Variants in CAPN7 observed in about 807,000 individuals in gnomAD.
CAPN7 encodes the protein calpain 7.
Under a neutral mutation model 115.2 loss-of-function variants are expected in CAPN7, and 72 were observed. The ratio of observed to expected loss-of-function variants is 0.63; its 90% confidence interval spans 0.52 to 0.76. The LOEUF (loss-of-function observed/expected upper bound fraction) is 0.76, where lower values mean the gene tolerates loss of function less well. CAPN7 is among the 30% of genes least tolerant of loss of function. The pLI is 0.00. For missense variants in CAPN7, 905 were observed against 971.5 expected, an observed-to-expected ratio of 0.93 and a Z score of 0.91; for synonymous variants, 344 against 322.3, an observed-to-expected ratio of 1.07 and a Z score of -0.72.
At chr3:15,213,491 A>G (rs141007312) in intron 2 of CAPN7, among the ~76,000 whole-genome samples, 6 of 152,352 alleles carry the variant, frequency 3.9e-5, no homozygotes, top group African/African-American at 1.2e-4. Flanking sequence ...ATGTTAAAGC[A>G]GAATGCTCTA....
chr3:15,220,875 C>G lies in CAPN7; in HGVS notation c.532C>G (p.Pro178Ala), dbSNP rs750254715. ...PKPPPVRAHF[P>A]LGANPFLERP... The stretch of plus-strand genomic sequence containing the variant: ...GCCACCTCCAGTGAGAGCACATTTT[C>G]CACTGGGCGCTAATCCCTTCCTTGA... The change falls in exon 5 of 21, where the codon CCA becomes GCA. Residue 178 changes from proline (P) to alanine (A), a missense_variant. Around this residue, in one of 3 missense-constraint regions of CAPN7, gnomAD observed 271 missense variants for 239.6 expected, o/e 1.13. Transcript: ENST00000253693. The G allele has an allele frequency of 3.7e-6, 6 of 1,614,128 alleles. No individual in the cohort carries two copies. In the South Asian group the frequency reaches 5.5e-5, roughly 15 times the overall value.
In CAPN7 at chr3:15,206,276, C is replaced by G; in HGVS notation, c.-220C>G. On this transcript the variant is annotated 5_prime_UTR_variant, in exon 1 of 21. Transcript: ENST00000253693. Reference sequence around the variant, plus strand: ...CCGCTGGGGCCGCGAAGTGGGGCGGCCGGGTGGGCTACAAGCCGGGTCTGG... The same window carrying G: ...CCGCTGGGGCCGCGAAGTGGGGCGGGCGGGTGGGCTACAAGCCGGGTCTGG... The G allele has an allele frequency of 2.4e-6, 1 of 425,178 alleles. No homozygotes were observed. The highest frequency in any genetic ancestry group is 4.2e-6 in the Non-Finnish European group (1 of 238,314). The allele number at this position is 425,178 out of a possible 1,614,324, so 26.3% of individuals were successfully genotyped here.
rs745904353 is a variant in CAPN7, at chr3:15,206,603, G to A, written c.102+6G>A. 53 of 1,540,068 alleles carry A rather than the reference G, an allele frequency of 3.4e-5. No individual in the cohort carries two copies. The highest frequency in any genetic ancestry group is 4.5e-5 in the Non-Finnish European group (51 of 1,141,352). ...AGGCGGTGTTTTATTACAAGGTAGG[G>A]CCGGGCCCGGCGCTTCGGTCGGAGT... On this transcript the variant is annotated splice_donor_region_variant and intron_variant, in intron 1 of 20. Coordinates refer to ENST00000253693, the MANE Select transcript of CAPN7 (RefSeq NM_014296.3).
rs73140124 is a variant in CAPN7 at position 15,229,711 on chromosome 3, G to A, written c.938+652G>A. ...CTGCCTCAGCCTCTGAAGTAGCTGG[G>A]ATTACAGGCAGTTTTACCTTTTTAA... On this transcript the variant is annotated intron_variant, in intron 8 of 20. Transcript: ENST00000253693. Among the ~76,000 whole-genome samples, 617 of 151,582 alleles carry A rather than the reference G, an allele frequency of 4.1e-3. 8 individuals carry two copies. The highest frequency in any genetic ancestry group is 0.014 in the African/African-American group (571 of 41,358).
chr3:15,220,165 G>GC (rs1299117387), intron 4 of CAPN7, among the ~76,000 whole-genome samples: 1 of 151,780 alleles, frequency 6.6e-6, no homozygotes, highest in Non-Finnish European at 1.5e-5. Flanking sequence ...GCGCCACTAC[G>GC]CTCTAGCTTG....
At chr3:15,225,578 T>G (rs756972689) in intron 6 of CAPN7, among the ~76,000 whole-genome samples, 1 of 152,226 alleles carries the variant, frequency 6.6e-6, no homozygotes, top group Non-Finnish European at 1.5e-5. Flanking sequence ...GTAAAATACG[T>G]AGCCATGCAG....
chr3:15,224,037 T>C (rs1478182322), intron 6 of CAPN7, among the ~76,000 whole-genome samples: 2 of 152,232 alleles, frequency 1.3e-5, no homozygotes, highest in Non-Finnish European at 2.9e-5. Context: ...GAGTCCGAGC[T>C]TGTAGTCATC....
rs752563827 is a variant in CAPN7, at chr3:15,234,933, C to T, written c.1287-92C>T. ...TTCAGGGGTAGGAACAGCCCATTTT[C>T]ATGTAAGCCATTAGACTAAAAGATA... On this transcript the variant is annotated intron_variant, in intron 11 of 20. Transcript: ENST00000253693. 2.6e-6 allele frequency: 3 copies of T among 1,141,002 alleles called. No individual in the cohort carries two copies. The African/African-American group carries it at 4.7e-5, about 18-fold the overall frequency. The allele number at this position is 1,141,002 out of a possible 1,614,324, so 70.7% of individuals were successfully genotyped here. A position where few individuals can be genotyped will look rare whatever the true frequency, so the allele number is the denominator to read the frequency against.
intron 16 of CAPN7, among the ~76,000 whole-genome samples, chr3:15,244,502 A>T (rs1695542976): frequency 6.6e-6 from 1 of 152,214 alleles, no homozygotes; most frequent in South Asian, 2.1e-4. Flanking sequence ...AGATCCACAG[A>T]TATGCCAATT....
Position 15,232,679 on chromosome 3 carries a change from A to G in CAPN7, c.1179+14A>G. The G allele has an allele frequency of 6.3e-7, 1 of 1,586,802 alleles. No individual in the cohort carries two copies. Among genetic ancestry groups the G allele is most frequent in the Non-Finnish European group, 8.5e-7 (1 of 1,170,172 alleles). The stretch of plus-strand genomic sequence containing the variant: ...GGATCCAACTCCGTAAGTAATAGAT[A>G]AGACGATCCAGACACAGATTTAAGC... On this transcript the variant is annotated intron_variant, in intron 10 of 20. Coordinates refer to ENST00000253693, the MANE Select transcript of CAPN7 (RefSeq NM_014296.3).
rs199694914 is a variant in CAPN7 at position 15,240,622 on chromosome 3, A to T, written c.1552+5A>T. 6.3e-7 allele frequency: 1 copy of T among 1,584,598 alleles called. No individual in the cohort carries two copies. The highest frequency in any genetic ancestry group is 1.9e-5 in the Admixed American group (1 of 51,308). The stretch of plus-strand genomic sequence containing the variant: ...CAGCTCAGAAAATAGACAACGGTAA[A>T]TATATCTTTTTAATTTTAATACCAT... On this transcript the variant is annotated splice_donor_5th_base_variant and intron_variant, in intron 13 of 20. Transcript: ENST00000253693.
intron 6 of CAPN7, among the ~76,000 whole-genome samples, 170 bp from the exon 7 acceptor site, chr3:15,227,669 A>G (rs1179187601): frequency 6.6e-6 from 1 of 152,068 alleles, no homozygotes; most frequent in Non-Finnish European, 1.5e-5. Context: ...GGGGATGATC[A>G]GGTTGACTGG....
chr3:15,211,196 G>T (rs1204379688), intron 1 of CAPN7, among the ~76,000 whole-genome samples: 2 of 152,104 alleles, frequency 1.3e-5, no homozygotes, highest in African/African-American at 2.4e-5. Context: ...TATTTAACCT[G>T]TGTAATCTCC....
intron 1 of CAPN7, among the ~76,000 whole-genome samples, chr3:15,208,230 A>G (rs2044741398): frequency 6.7e-6 from 1 of 149,790 alleles, no homozygotes; most frequent in African/African-American, 2.5e-5. Context: ...TTTTTTACAA[A>G]CTGGTTTATA....
In CAPN7 at chr3:15,211,423, G is replaced by A. The variant is rs576379346; in HGVS notation, c.103-681G>A. Among the ~76,000 whole-genome samples, 53 of 152,254 alleles carry A rather than the reference G, an allele frequency of 3.5e-4. No individual in the cohort carries two copies. The South Asian group carries it at 0.01, about 29-fold the overall frequency. On this transcript the variant is annotated intron_variant, in intron 1 of 20. Coordinates refer to ENST00000253693, the MANE Select transcript of CAPN7 (RefSeq NM_014296.3). ...AGTGTTTATAATCAGTTCCTTATGC[G>A]TGAATTCATAAATTTTCAATGATAT... is the stretch of plus-strand genomic sequence containing the variant.
At position 15,226,010 on chromosome 3, in the gene CAPN7, C is replaced by T. The variant is rs576811083; in HGVS notation, c.726-1829C>T. Among the ~76,000 whole-genome samples the T allele has an allele frequency of 1.9e-4, 29 of 152,160 alleles. 1 individual carries two copies. The South Asian group carries it at 5.6e-3, about 29-fold the overall frequency. ...ATTATTTTTTAAAATTGTTTCTATT[C>T]GGTCGTGTATTACTTTTAAAATAAT... On this transcript the variant is annotated intron_variant, in intron 6 of 20. Coordinates refer to ENST00000253693, the MANE Select transcript of CAPN7 (RefSeq NM_014296.3).
chr3:15,221,032 C>A, intron 5 of CAPN7, 51 bp downstream of exon 5: 1 of 1,423,392 alleles, frequency 7.0e-7, no homozygotes, highest in Non-Finnish European at 9.8e-7. Context: ...AACATGAATG[C>A]AGAATTTTAT....
chr3:15,222,396 A>G (rs1393858006), intron 5 of CAPN7, among the ~76,000 whole-genome samples: 1 of 152,216 alleles, frequency 6.6e-6, no homozygotes, highest in East Asian at 1.9e-4. Context: ...AAAGTTGAGC[A>G]CTGCAGAAAG....
At chr3:15,242,739 T>A (rs1247685369) in intron 16 of CAPN7, among the ~76,000 whole-genome samples, 2 of 152,234 alleles carry the variant, frequency 1.3e-5, no homozygotes, top group Non-Finnish European at 2.9e-5. Flanking sequence ...TCTCTCCTCC[T>A]GCCTTATTCC....
Sources: allele counts gnomAD v4.1 joint callset (sites outside exome capture counted in the v4.1 genomes callset), GRCh38; gene constraint gnomAD v4.1.1; regional missense constraint gnomAD v4.1.1; transcripts MANE v1.5; gene names NCBI Gene and HGNC (gene_info 2026-07-23, HGNC 2026-07-21).